The following WWP1 variants were observed in gnomAD, a reference collection of about 807,000 sequenced individuals.
The protein encoded by WWP1 is NEDD4-like E3 ubiquitin-protein ligase WWP1.
Under a neutral mutation model 130.6 loss-of-function variants are expected in WWP1, and 49 were observed. The ratio of observed to expected loss-of-function variants is 0.38; its 90% CI spans 0.30 to 0.48. The LOEUF (loss-of-function observed/expected upper bound fraction) is 0.48. WWP1 is among the 20% of genes least tolerant of loss of function. The pLI, the probability that WWP1 is intolerant of heterozygous loss-of-function variation, is 0.99. For synonymous variants in WWP1, 332 were observed against 367.8 expected (o/e 0.90, Z 1.11); for missense variants, 809 against 1,100.6 (o/e 0.74, Z 3.75).
At chr8:86,432,599 G>A (rs1266857018) in intron 14 of WWP1, among the ~76,000 whole-genome samples, 2 of 149,094 alleles carry the variant, frequency 1.3e-5, no homozygotes, top group East Asian at 2.0e-4. Context: ...GTGTTCAATC[G>A]CAGTTCATTT....
intron 1 of WWP1, among the ~76,000 whole-genome samples, chr8:86,364,902 A>T (rs1563468354): frequency 2.6e-5 from 4 of 152,102 alleles, no homozygotes; most frequent in African/African-American, 7.2e-5. Flanking sequence ...ATAAAGTAAA[A>T]TTAAAAATTA....
chr8:86,351,085 A>G (rs1199467060), intron 1 of WWP1, among the ~76,000 whole-genome samples: 1 of 152,216 alleles, frequency 6.6e-6, no homozygotes, highest in Non-Finnish European at 1.5e-5. Flanking sequence ...GGATTGCCTC[A>G]GTTTCTTCTT....
At chr8:86,427,520 G>A in intron 10 of WWP1, 123 bp from the exon 11 acceptor site, 1 of 1,013,024 alleles carries the variant, frequency 9.9e-7, no homozygotes, top group Non-Finnish European at 1.4e-6. Context: ...ATAGTTCATA[G>A]TTTTATATGT....
Position 86,466,962 on chromosome 8 carries a change from T to C in WWP1, c.*69T>C, listed in dbSNP as rs1337152706. ...CAGCCAAGAAAAATTGCACAGATAGTGTATATAAGCTGTTCATTCTGTACA... is the reference window on the plus strand; with the variant it reads ...CAGCCAAGAAAAATTGCACAGATAGCGTATATAAGCTGTTCATTCTGTACA... On this transcript the variant is annotated 3_prime_UTR_variant, in exon 25 of 25. Coordinates refer to ENST00000517970, the MANE Select transcript of WWP1 (RefSeq NM_007013.4). 34 of 1,152,142 alleles carry C rather than the reference T, an allele frequency of 3.0e-5. No homozygotes were observed. Among genetic ancestry groups the C allele is most frequent in the Non-Finnish European group, 2.1e-5 (16 of 776,718 alleles). The allele number at this position is 1,152,142 out of a possible 1,614,324, so 71.4% of individuals were successfully genotyped here. A position where few individuals can be genotyped will look rare whatever the true frequency, so the allele number is the denominator to read the frequency against.
intron 2 of WWP1, among the ~76,000 whole-genome samples, 163 bp downstream of exon 2, chr8:86,369,194 C>CA (rs1824146487): frequency 6.6e-6 from 1 of 152,164 alleles, no homozygotes; most frequent in Non-Finnish European, 1.5e-5. Flanking sequence ...CTAAGATAGA[C>CA]AGAGTGCCTC....
chr8:86,411,384 A>C (rs1189669626), intron 8 of WWP1, among the ~76,000 whole-genome samples, 154 bp from the exon 9 acceptor site: 1 of 152,206 alleles, frequency 6.6e-6, no homozygotes, highest in Non-Finnish European at 1.5e-5. Context: ...ATTTTATGTT[A>C]CATATTTTGA....
At chr8:86,427,877 T>C (rs1809721269) in intron 11 of WWP1, 60 bp downstream of exon 11, 1 of 1,522,180 alleles carries the variant, frequency 6.6e-7, no homozygotes, top group African/African-American at 1.4e-5. Context: ...TCTTTCTTTT[T>C]TTTTTTTGCT....
At chr8:86,403,857 T>C (rs542350161) in intron 8 of WWP1, among the ~76,000 whole-genome samples, 9 of 152,204 alleles carry the variant, frequency 5.9e-5, no homozygotes, top group Non-Finnish European at 1.3e-4. Flanking sequence ...GATACAATTA[T>C]GGTGAAATTA....
intron 1 of WWP1, among the ~76,000 whole-genome samples, chr8:86,351,580 C>T (rs767403717): frequency 9.2e-5 from 14 of 151,416 alleles, no homozygotes; most frequent in Non-Finnish European, 1.6e-4. Context: ...CCCCCTACCT[C>T]GACCTCCCAT....
intron 1 of WWP1, among the ~76,000 whole-genome samples, chr8:86,360,161 C>G (rs10093729): frequency 6.6e-6 from 1 of 151,654 alleles, no homozygotes; most frequent in Non-Finnish European, 1.5e-5. Context: ...AACAAAAAAC[C>G]AAACCAAACC....
intron 1 of WWP1, among the ~76,000 whole-genome samples, chr8:86,368,470 G>GT (rs57646809): frequency 0.43 from 65,977 of 151,838 alleles, 15,426 homozygotes; most frequent in Non-Finnish European, 0.53. Context: ...TGTATCCTGA[G>GT]TTTTTCTTTC....
chr8:86,367,033 G>GT (rs1233204889), intron 1 of WWP1, among the ~76,000 whole-genome samples: 1 of 152,190 alleles, frequency 6.6e-6, no homozygotes, highest in Admixed American at 6.5e-5. Context: ...CATTCATTGA[G>GT]TTTTAAATTT....
chr8:86,433,470 C>T (rs1292767653), intron 14 of WWP1, among the ~76,000 whole-genome samples: 3 of 151,658 alleles, frequency 2.0e-5, no homozygotes, highest in Non-Finnish European at 4.4e-5. Context: ...TCCCAGCACT[C>T]TGGGAGGTTG....
At chr8:86,463,432 G>A (rs553172681) in intron 24 of WWP1, among the ~76,000 whole-genome samples, 14 of 151,922 alleles carry the variant, frequency 9.2e-5, no homozygotes, top group African/African-American at 2.2e-4. Flanking sequence ...TCAGCCTCTC[G>A]GGTAGCTGGG....
At position 86,467,002 on chromosome 8, in the gene WWP1, C is replaced by A. The variant is rs1200434279; in HGVS notation, c.*109C>A. The A allele has an allele frequency of 1.2e-5, 9 of 739,680 alleles. No individual in the cohort carries two copies. The highest frequency in any genetic ancestry group is 1.8e-5 in the South Asian group (1 of 54,740). 45.8% of individuals were successfully genotyped at this position (739,680 alleles called of 1,614,324 possible). A position where few individuals can be genotyped will look rare whatever the true frequency, so the allele number is the denominator to read the frequency against. On this transcript the variant is annotated 3_prime_UTR_variant, in exon 25 of 25. Coordinates refer to ENST00000517970, the MANE Select transcript of WWP1 (RefSeq NM_007013.4). ...CATTCTGTACAGTGAATTTTCCGAA[C>A]CTCTCAAAGTATGTTTTCCGTTCTT...
chr8:86,353,492 GT>G (rs201550416), intron 1 of WWP1, among the ~76,000 whole-genome samples: 5 of 149,436 alleles, frequency 3.3e-5, no homozygotes, highest in African/African-American at 1.2e-4. Context: ...GGAGCCTATT[GT>G]TTTTTTTTTC....
Position 86,466,657 on chromosome 8 carries a change from CTA to C in WWP1, c.2670-136_2670-135del, listed in dbSNP as rs558786247. ...ATGTAAGTCTTAAATTTAGATTACTCTAAATACTTCTGGCAAAATTTTAACAT... is the reference window on the plus strand; with the variant it reads ...ATGTAAGTCTTAAATTTAGATTACTCAATACTTCTGGCAAAATTTTAACAT... On this transcript the variant is annotated intron_variant, in intron 24 of 24. Coordinates refer to ENST00000517970, the MANE Select transcript of WWP1 (RefSeq NM_007013.4). The C allele has an allele frequency of 1.7e-3, 774 of 453,088 alleles. 5 individuals carry two copies. The highest frequency in any genetic ancestry group is 6.7e-3 in the Middle Eastern group (12 of 1,782). The allele number at this position is 453,088 out of a possible 1,614,324, so 28.1% of individuals were successfully genotyped here.
At chr8:86,360,385 G>C (rs530119777) in intron 1 of WWP1, among the ~76,000 whole-genome samples, 2 of 152,260 alleles carry the variant, frequency 1.3e-5, no homozygotes, top group African/African-American at 4.8e-5. Flanking sequence ...GTTGGTCACT[G>C]TTTCCTCCTC....
intron 5 of WWP1, among the ~76,000 whole-genome samples, chr8:86,383,345 C>T (rs1825090699): frequency 6.6e-6 from 1 of 152,168 alleles, no homozygotes; most frequent in Non-Finnish European, 1.5e-5. Flanking sequence ...CTCTACTGAA[C>T]CTCCATATAA....
Sources: allele counts gnomAD v4.1 joint callset (sites outside exome capture counted in the v4.1 genomes callset), GRCh38; gene constraint gnomAD v4.1.1; transcripts MANE v1.5; gene names NCBI Gene and HGNC (gene_info 2026-07-23, HGNC 2026-07-21).